OR13G1: variants seen among roughly 807,000 people sequenced by gnomAD.
The protein encoded by OR13G1 is olfactory receptor family 13 subfamily G member 1, also known as olfactory receptor 13G1.
For missense variants in OR13G1, 369 were observed against 385.7 expected, an observed-to-expected ratio of 0.96 and a Z score of 0.36; for synonymous variants, 128 against 136.2, an observed-to-expected ratio of 0.94 and a Z score of 0.42.
chr1:247,672,890 GTGT>G lies in OR13G1; in HGVS notation c.149_151del (p.Asn50del). The stretch of plus-strand genomic sequence containing the variant: ...GAAAACATACATGGGCGTATGCAAG[GTGT>G]TGTTATAGATTTTGGCAATGATGAT... On this transcript the variant is annotated inframe_deletion, in exon 2 of 2. Transcript: ENST00000642119. 6.2e-7 allele frequency: 1 copy of G among 1,614,034 alleles called. No individual in the cohort carries two copies. The highest frequency in any genetic ancestry group is 8.5e-7 in the Non-Finnish European group (1 of 1,179,992).
rs1427808253 is a variant in OR13G1, at chr1:247,673,217, A to G, written c.-176T>C. 7 of 584,344 alleles carry G rather than the reference A, an allele frequency of 1.2e-5. No individual in the cohort carries two copies. The highest frequency in any genetic ancestry group is 4.2e-4 in the Middle Eastern group (1 of 2,382). 36.2% of individuals were successfully genotyped at this position (584,344 alleles called of 1,614,324 possible). A position where few individuals can be genotyped will look rare whatever the true frequency, so the allele number is the denominator to read the frequency against. On this transcript the variant is annotated 5_prime_UTR_variant, in exon 2 of 2. Transcript: ENST00000642119. Reference sequence around the variant, plus strand: ...TTGATGGAGTTCTGTATTCCAGGCAATATACTCTGTTTTCCAGACTAATCC... The same window carrying G: ...TTGATGGAGTTCTGTATTCCAGGCAGTATACTCTGTTTTCCAGACTAATCC...
intron 1 of OR13G1, among the ~76,000 whole-genome samples, chr1:247,674,438 A>C (rs938410304): frequency 6.6e-6 from 1 of 152,168 alleles, no homozygotes; most frequent in Non-Finnish European, 1.5e-5. Context: ...TTGCTCTCTC[A>C]TGCCTTGTAG....
intron 1 of OR13G1, among the ~76,000 whole-genome samples, chr1:247,675,965 T>G (rs145287354): frequency 6.6e-6 from 1 of 152,322 alleles, no homozygotes; most frequent in East Asian, 1.9e-4. Flanking sequence ...CCTCTGAAAT[T>G]ATCAATTCAG....
chr1:247,675,822 G>C (rs1659334995), intron 1 of OR13G1, among the ~76,000 whole-genome samples: 1 of 152,090 alleles, frequency 6.6e-6, no homozygotes, highest in South Asian at 2.1e-4. Context: ...CTCCAAAAAA[G>C]CCACAGTATC....
Position 247,672,744 on chromosome 1 carries a change from A to G in OR13G1, c.298T>C (p.Leu100=). 1.2e-6 allele frequency: 2 copies of G among 1,614,106 alleles called. No homozygotes were observed. Among genetic ancestry groups the G allele is most frequent in the East Asian group, 4.5e-5 (2 of 44,870 alleles). Residue 100 remains leucine, a synonymous_variant, in exon 2 of 2, where the codon TTG becomes CTG. Coordinates refer to ENST00000642119, the MANE Select transcript of OR13G1 (RefSeq NM_001005487.2). ...TCAGCTCCCAGAGACCATGTGAACA[A>G]GAAGAGCTGGGACATGCAGCCTGCA... ...SYAGCMSQLF[L]FTWSLGAEMV...
At chr1:247,675,326 G>A (rs1151637) in intron 1 of OR13G1, among the ~76,000 whole-genome samples, 56,348 of 151,618 alleles carry the variant, frequency 0.37, 11,792 homozygotes, top group East Asian at 0.59. Flanking sequence ...CCACGTAACT[G>A]TTACTGATCA....
chr1:247,674,638 C>G (rs1659305092), intron 1 of OR13G1, among the ~76,000 whole-genome samples: 2 of 152,140 alleles, frequency 1.3e-5, no homozygotes, highest in African/African-American at 2.4e-5. Flanking sequence ...GTGACAGGCT[C>G]TATGTTAGGT....
At position 247,672,493 on chromosome 1, in the gene OR13G1, A is replaced by G; in HGVS notation, c.549T>C (p.Ala183=). The G allele has an allele frequency of 6.2e-7, 1 of 1,614,156 alleles. No individual in the cohort carries two copies. Among genetic ancestry groups the G allele is most frequent in the Non-Finnish European group, 8.5e-7 (1 of 1,180,010 alleles). Residue 183 remains alanine, a synonymous_variant, in exon 2 of 2, where the codon GCT becomes GCC. Transcript: ENST00000642119. ...HFFCEIPPLL[A]LSCSPVRINE... ...TGATTCTTACAGGGCTACAGGACAA[A>G]GCCAGCAATGGGGGTATCTCACAGA...
intron 1 of OR13G1, 59 bp from the exon 2 acceptor site, chr1:247,673,338 C>G: frequency 2.9e-6 from 1 of 343,736 alleles, no homozygotes; most frequent in Non-Finnish European, 5.3e-6. Flanking sequence ...ATTTTGATAT[C>G]ATTTTCACTT....
chr1:247,674,972 T>C (rs906099908), intron 1 of OR13G1, among the ~76,000 whole-genome samples: 3 of 152,178 alleles, frequency 2.0e-5, no homozygotes, highest in African/African-American at 4.8e-5. Context: ...ATAGACAAGA[T>C]AGTTGATTCT....
rs28402945 is a variant in OR13G1 at position 247,672,772 on chromosome 1, T to A, written c.270A>T (p.Ser90=). Residue 90 remains serine, a synonymous_variant, in exon 2 of 2, where the codon TCA becomes TCT. Coordinates refer to ENST00000642119, the MANE Select transcript of OR13G1 (RefSeq NM_001005487.2). ...AGAGCTGGGACATGCAGCCTGCATA[T>A]GAAATGGTATTTTCTGATGTTAGCA... ...GTMLTSENTI[S]YAGCMSQLFL... 6,457 of 1,613,052 alleles carry A rather than the reference T, an allele frequency of 4.0e-3. 231 individuals are homozygous for A. The African/African-American group carries it at 0.076, about 19-fold the overall frequency.
intron 1 of OR13G1, among the ~76,000 whole-genome samples, chr1:247,677,440 G>T (rs899941806): frequency 9.2e-5 from 14 of 152,270 alleles, no homozygotes; most frequent in South Asian, 6.2e-4. Context: ...GAGGGAGACA[G>T]TATTTGTCCA....
chr1:247,679,525 T>TGTGC lies in OR13G1; in HGVS notation c.-239+114_-239+115insGCAC, dbSNP rs764457162. ...GTGTGTGTGTGTGTGTGTGTGTGTG[T>TGTGC]GCGCGCTATGGCTAAAAAGGAATTA... On this transcript the variant is annotated intron_variant, in intron 1 of 1. Transcript: ENST00000642119. 5.2e-4 allele frequency: 69 copies of TGTGC among 133,508 alleles called. 1 individual carries two copies. The highest frequency in any genetic ancestry group is 1.2e-3 in the African/African-American group (44 of 36,696). 8.3% of individuals were successfully genotyped at this position (133,508 alleles called of 1,614,324 possible).
intron 1 of OR13G1, among the ~76,000 whole-genome samples, chr1:247,676,671 T>C (rs1170375766): frequency 6.6e-6 from 1 of 152,166 alleles, no homozygotes; most frequent in Non-Finnish European, 1.5e-5. Context: ...CAATTTTATA[T>C]AGTAACATAG....
At chr1:247,678,592 G>A (rs1460115108) in intron 1 of OR13G1, among the ~76,000 whole-genome samples, 1 of 152,170 alleles carries the variant, frequency 6.6e-6, no homozygotes, top group African/African-American at 2.4e-5. Flanking sequence ...ATCGTTTAAG[G>A]AGAATGTTAC....
Position 247,670,863 on chromosome 1 carries a change from T to A in OR13G1, c.*1255A>T, listed in dbSNP as rs1238431932. The A allele has an allele frequency of 6.6e-6, 1 of 152,088 alleles. No homozygotes were observed. The highest frequency in any genetic ancestry group is 2.4e-5 in the African/African-American group (1 of 41,448). The allele number at this position is 152,088 out of a possible 1,614,324, so 9.4% of individuals were successfully genotyped here. A position where few individuals can be genotyped will look rare whatever the true frequency, so the allele number is the denominator to read the frequency against. Reference sequence around the variant, plus strand: ...AAGACAAAATTCCAACATGTTTTCATAATTGTGGAAATATATTGTAAAAAT... The same window carrying A: ...AAGACAAAATTCCAACATGTTTTCAAAATTGTGGAAATATATTGTAAAAAT... On this transcript the variant is annotated 3_prime_UTR_variant, in exon 2 of 2. Coordinates refer to ENST00000642119, the MANE Select transcript of OR13G1 (RefSeq NM_001005487.2).
chr1:247,679,391 C>G (rs1659419150), intron 1 of OR13G1, among the ~76,000 whole-genome samples: 1 of 151,932 alleles, frequency 6.6e-6, no homozygotes, highest in Admixed American at 6.6e-5. Context: ...TTTTGAAAGG[C>G]TGGCAGGCAA....
intron 1 of OR13G1, among the ~76,000 whole-genome samples, chr1:247,676,356 T>C (rs183399182): frequency 1.3e-5 from 2 of 152,246 alleles, no homozygotes; most frequent in Non-Finnish European, 2.9e-5. Flanking sequence ...TTTTTACTAT[T>C]TAATGGAAGA....
chr1:247,672,375 G>C lies in OR13G1; in HGVS notation c.667C>G (p.Leu223Val). 6.2e-7 allele frequency: 1 copy of C among 1,614,074 alleles called. No individual in the cohort carries two copies. Among genetic ancestry groups the C allele is most frequent in the Non-Finnish European group, 8.5e-7 (1 of 1,179,974 alleles). The change falls in exon 2 of 2, where the codon CTC (leucine) becomes GTC (valine). Residue 223 changes from leucine (L) to valine (V), a missense_variant. Physicochemically the swap from Leu to Val is conservative, Grantham distance 32. Transcript: ENST00000642119. The part of the protein sequence containing the change: ...ISYGFIIVAI[L>V]RIRTVEGKRK... Reference sequence around the variant, plus strand: ...TTGCCTTCTACTGTGCGGATACGGAGAATAGCAACAATGATAAAACCATAG... The same window carrying C: ...TTGCCTTCTACTGTGCGGATACGGACAATAGCAACAATGATAAAACCATAG...
Sources: allele counts gnomAD v4.1 joint callset (sites outside exome capture counted in the v4.1 genomes callset), GRCh38; gene constraint gnomAD v4.1.1; transcripts MANE v1.5; gene names NCBI Gene and HGNC (gene_info 2026-07-23, HGNC 2026-07-21).